CCDC91: variants seen among roughly 807,000 people sequenced by gnomAD.
CCDC91 encodes coiled-coil domain-containing protein 91.
CCDC91 carries 48 observed loss-of-function variants against 63.2 expected under a neutral mutation model. The ratio of observed to expected loss-of-function variants is 0.76; its 90% CI spans 0.60 to 0.97. CCDC91 has a LOEUF of 0.97. CCDC91 is among the 50% of genes least tolerant of loss of function. CCDC91 has a pLI of 0.00. For synonymous variants in CCDC91, 167 were observed against 165.8 expected, an observed-to-expected ratio of 1.01 and a Z score of -0.06; for missense variants, 500 against 494.6, an observed-to-expected ratio of 1.01 and a Z score of -0.10.
intron 1 of CCDC91, among the ~76,000 whole-genome samples, chr12:28,252,955 G>A (rs1257377172): frequency 6.6e-6 from 1 of 152,052 alleles, no homozygotes; most frequent in Admixed American, 6.6e-5. Context: ...TATAATATTC[G>A]ATAGATGAGG....
At chr12:28,427,587 T>G (rs1428591889) in intron 8 of CCDC91, among the ~76,000 whole-genome samples, 1 of 152,204 alleles carries the variant, frequency 6.6e-6, no homozygotes, top group East Asian at 1.9e-4. Flanking sequence ...AAATTGTCAT[T>G]GAAATAATTG....
At chr12:28,346,757 C>G (rs1942838925) in intron 6 of CCDC91, among the ~76,000 whole-genome samples, 1 of 152,138 alleles carries the variant, frequency 6.6e-6, no homozygotes, top group Admixed American at 6.5e-5. Flanking sequence ...CTCTCCAAAC[C>G]CTGTCCTCTT....
At chr12:28,479,447 C>A (rs1951317520) in intron 11 of CCDC91, among the ~76,000 whole-genome samples, 1 of 151,796 alleles carries the variant, frequency 6.6e-6, no homozygotes, top group Admixed American at 6.6e-5. Flanking sequence ...GGGATCATCA[C>A]ACACTGGGGC....
At chr12:28,415,468 C>A (rs1403527144) in intron 8 of CCDC91, among the ~76,000 whole-genome samples, 4 of 152,126 alleles carry the variant, frequency 2.6e-5, no homozygotes, top group Non-Finnish European at 5.9e-5. Context: ...GATCCGCCTG[C>A]CTCAGCCTCC....
intron 1 of CCDC91, among the ~76,000 whole-genome samples, chr12:28,234,187 G>A (rs1039512019): frequency 6.6e-6 from 1 of 152,110 alleles, no homozygotes; most frequent in African/African-American, 2.4e-5. Context: ...AAAATGATAT[G>A]TACATGCTTT....
intron 6 of CCDC91, among the ~76,000 whole-genome samples, chr12:28,335,297 AAT>A (rs1941874306): frequency 7.3e-6 from 1 of 137,082 alleles, no homozygotes; most frequent in Non-Finnish European, 1.5e-5. Context: ...TATATAATAT[AAT>A]ATATAATACA....
At chr12:28,348,646 A>T (rs1212040955) in intron 6 of CCDC91, among the ~76,000 whole-genome samples, 1 of 152,080 alleles carries the variant, frequency 6.6e-6, no homozygotes, top group Non-Finnish European at 1.5e-5. Flanking sequence ...TGCTCGATCT[A>T]CTGAATTGCC....
intron 7 of CCDC91, among the ~76,000 whole-genome samples, chr12:28,370,021 C>T (rs895647693): frequency 6.6e-6 from 1 of 152,196 alleles, no homozygotes; most frequent in Non-Finnish European, 1.5e-5. Context: ...TTTAAAATGC[C>T]CTGAAGACAT....
rs1461622542 is a variant in CCDC91 at position 28,549,192 on chromosome 12, A to C, written c.*19A>C. ...TGAATAAAAAGAACATGACAAACCC[A>C]CACTGGCATTGGATAAATCATATTA... On this transcript the variant is annotated 3_prime_UTR_variant, in exon 13 of 13. Transcript: ENST00000536442. 6 of 1,324,262 alleles carry C rather than the reference A, an allele frequency of 4.5e-6. No homozygotes were observed. The highest frequency in any genetic ancestry group is 3.5e-5 in the South Asian group (3 of 84,790). 82.0% of individuals were successfully genotyped at this position (1,324,262 alleles called of 1,614,324 possible).
chr12:28,195,152 CCG>C (rs1941655157), intron 1 of CCDC91, among the ~76,000 whole-genome samples: 3 of 88,954 alleles, frequency 3.4e-5, no homozygotes, highest in Non-Finnish European at 5.7e-5. Context: ...GCTGATTGGT[CCG>C]TTTTACAGAG....
rs749085046 is a variant in CCDC91, at chr12:28,362,420, G to A, written c.577-18G>A. On this transcript the variant is annotated intron_variant, in intron 6 of 12. Transcript: ENST00000536442. ...AACAGAAGAAAAACTCATGGTTTTA[G>A]TTTCTTTTTTCTTTCAGGAAAAACA... 1.2e-5 allele frequency: 18 copies of A among 1,531,552 alleles called. No individual in the cohort carries two copies. The highest frequency in any genetic ancestry group is 2.5e-5 in the South Asian group (2 of 80,734). 94.9% of individuals were successfully genotyped at this position (1,531,552 alleles called of 1,614,324 possible).
intron 11 of CCDC91, among the ~76,000 whole-genome samples, chr12:28,479,532 G>A (rs569334791): frequency 3.9e-5 from 6 of 152,236 alleles, no homozygotes; most frequent in African/African-American, 7.2e-5. Flanking sequence ...GTTAATGGGT[G>A]CAGCACACCA....
chr12:28,491,159 A>G (rs1951982072), intron 12 of CCDC91, among the ~76,000 whole-genome samples: 1 of 151,698 alleles, frequency 6.6e-6, no homozygotes. Flanking sequence ...GGAGGCATCT[A>G]GTATATGAAA....
intron 6 of CCDC91, among the ~76,000 whole-genome samples, chr12:28,335,264 TATATAATATATAATACATATTATATATA>T (rs1343946407): frequency 1.3e-4 from 17 of 126,468 alleles, no homozygotes; most frequent in Admixed American, 6.6e-4. Flanking sequence ...ATACATATAA[TATATAATATATAATACATATTATATATA>T]ATATAATATA....
At chr12:28,476,031 C>T (rs1428971400) in intron 11 of CCDC91, among the ~76,000 whole-genome samples, 1 of 151,908 alleles carries the variant, frequency 6.6e-6, no homozygotes, top group Non-Finnish European at 1.5e-5. Flanking sequence ...AAAACTGCAT[C>T]CAATACAAGG....
chr12:28,210,474 T>A (rs1943156455), intron 1 of CCDC91, among the ~76,000 whole-genome samples: 4 of 152,184 alleles, frequency 2.6e-5, no homozygotes, highest in Admixed American at 2.6e-4. Context: ...TGTTGTAAGT[T>A]TCTATTTACC....
At chr12:28,527,288 C>T (rs1297300384) in intron 12 of CCDC91, among the ~76,000 whole-genome samples, 8 of 152,192 alleles carry the variant, frequency 5.3e-5, no homozygotes, top group African/African-American at 1.2e-4. Flanking sequence ...TTTTGTCCCA[C>T]GGGATACTCC....
At chr12:28,496,179 A>G (rs1365454212) in intron 12 of CCDC91, among the ~76,000 whole-genome samples, 1 of 151,692 alleles carries the variant, frequency 6.6e-6, no homozygotes, top group East Asian at 1.9e-4. Context: ...TTAAGCTTCT[A>G]TGAACAATAG....
chr12:28,379,293 T>C (rs1208712279), intron 7 of CCDC91, among the ~76,000 whole-genome samples: 1 of 151,450 alleles, frequency 6.6e-6, no homozygotes, highest in African/African-American at 2.4e-5. Flanking sequence ...AAACCAAAAT[T>C]GACAAATGGG....
Sources: allele counts gnomAD v4.1 joint callset (sites outside exome capture counted in the v4.1 genomes callset), GRCh38; gene constraint gnomAD v4.1.1; transcripts MANE v1.5; gene names NCBI Gene and HGNC (gene_info 2026-07-23, HGNC 2026-07-21).